NTRK3: variants seen among roughly 807,000 people sequenced by gnomAD.
The protein encoded by NTRK3 is neurotrophic receptor tyrosine kinase 3.
In NTRK3, 24 loss-of-function variants were observed where a neutral mutation model predicts 91.7. The observed-to-expected ratio is 0.26, with a 90% CI of 0.19 to 0.37. NTRK3 has a LOEUF of 0.37. Ranked by LOEUF, NTRK3 falls within the 10% of genes least tolerant of loss-of-function variation. The pLI is 1.00. For missense variants in NTRK3, 880 were observed against 1,068.9 expected (o/e 0.82, Z 2.46); for synonymous variants, 483 against 404.0 (o/e 1.20, Z -2.34).
In NTRK3 at chr15:87,860,181, T is replaced by A. The variant is rs2141366246; in HGVS notation, c.*16754A>T. On this transcript the variant is annotated 3_prime_UTR_variant, in exon 19 of 19. Coordinates refer to ENST00000394480, the Ensembl canonical transcript of NTRK3. The stretch of plus-strand genomic sequence containing the variant: ...ACCCATAGATTCCGATGAAGACACA[T>A]GTTTGCCTTGGGATGGAAGCATGAG... 1.3e-5 allele frequency: 3 copies of A among 223,086 alleles called. No individual in the cohort carries two copies. The Middle Eastern group carries it at 4.1e-3, about 307-fold the overall frequency. 13.8% of individuals were successfully genotyped at this position (223,086 alleles called of 1,614,324 possible).
At chr15:87,914,458 C>T (rs148264647) in intron 17 of NTRK3, among the ~76,000 whole-genome samples, 1 of 152,098 alleles carries the variant, frequency 6.6e-6, no homozygotes, top group African/African-American at 2.4e-5. Context: ...TGAGTGGGAA[C>T]CAATGAGGAT....
At chr15:88,169,200 C>T (rs1484293827) in intron 5 of NTRK3, among the ~76,000 whole-genome samples, 1 of 152,194 alleles carries the variant, frequency 6.6e-6, no homozygotes, top group Admixed American at 6.5e-5. Context: ...CTCACACTCA[C>T]CCAGCAGACT....
chr15:88,071,134 C>A (rs2047057680), intron 13 of NTRK3, among the ~76,000 whole-genome samples: 1 of 152,206 alleles, frequency 6.6e-6, no homozygotes, highest in South Asian at 2.1e-4. Context: ...GGCAGTCATG[C>A]AGGAGGCAGC....
At chr15:87,972,544 T>G (rs1456057468) in intron 14 of NTRK3, among the ~76,000 whole-genome samples, 1 of 152,192 alleles carries the variant, frequency 6.6e-6, no homozygotes, top group African/African-American at 2.4e-5. Context: ...GGGTTTTGGC[T>G]CTCAGAAAAG....
intron 13 of NTRK3, among the ~76,000 whole-genome samples, chr15:88,065,161 G>A (rs765115071): frequency 6.6e-6 from 1 of 152,194 alleles, no homozygotes; most frequent in East Asian, 1.9e-4. Context: ...AGAGGGTAGA[G>A]GTCACCTTAG....
intron 14 of NTRK3, chr15:87,978,890 C>T: frequency 1.1e-5 from 3 of 278,248 alleles, no homozygotes; most frequent in Non-Finnish European, 2.1e-5. Flanking sequence ...GACGAGGTCA[C>T]TAAGAGGACA....
intron 15 of NTRK3, among the ~76,000 whole-genome samples, 187 bp downstream of exon 15, chr15:87,940,436 G>T (rs1296051472): frequency 1.3e-5 from 2 of 152,144 alleles, no homozygotes. Context: ...TGCAGCCCTT[G>T]ACCTTGGAAG....
intron 17 of NTRK3, among the ~76,000 whole-genome samples, chr15:87,896,517 T>G (rs1329580923): frequency 6.6e-6 from 1 of 151,380 alleles, no homozygotes; most frequent in Non-Finnish European, 1.5e-5. Flanking sequence ...AATATATACA[T>G]GTATATATAT....
intron 17 of NTRK3, among the ~76,000 whole-genome samples, chr15:87,909,954 G>GC (rs567542251): frequency 2.6e-5 from 4 of 152,290 alleles, no homozygotes; most frequent in African/African-American, 9.6e-5. Context: ...TGTTGTTGAA[G>GC]CCCCCAGTCT....
intron 3 of NTRK3, among the ~76,000 whole-genome samples, chr15:88,208,422 T>C (rs1252579826): frequency 6.6e-6 from 1 of 152,092 alleles, no homozygotes. Context: ...CAATTTGACA[T>C]TTGCATGATG....
At chr15:87,958,334 G>A (rs934630688) in intron 14 of NTRK3, among the ~76,000 whole-genome samples, 4 of 152,112 alleles carry the variant, frequency 2.6e-5, no homozygotes, top group African/African-American at 4.8e-5. Context: ...TCCTTAGGAC[G>A]GAATGTCTAT....
chr15:88,165,988 C>A (rs2044902240), intron 5 of NTRK3, among the ~76,000 whole-genome samples: 1 of 152,176 alleles, frequency 6.6e-6, no homozygotes, highest in South Asian at 2.1e-4. Context: ...TCCTAGGGGA[C>A]AAACCCACCC....
At chr15:88,116,002 A>G (rs757043458) in intron 13 of NTRK3, among the ~76,000 whole-genome samples, 1 of 152,146 alleles carries the variant, frequency 6.6e-6, no homozygotes, top group Non-Finnish European at 1.5e-5. Context: ...CTAAGGAAAG[A>G]GAGGAATGAC....
intron 10 of NTRK3, among the ~76,000 whole-genome samples, chr15:88,133,524 A>G (rs1346878543): frequency 6.6e-6 from 1 of 152,104 alleles, no homozygotes; most frequent in Non-Finnish European, 1.5e-5. Flanking sequence ...ACCAATCAAG[A>G]CTTTCCCTCA....
At chr15:87,924,317 G>T (rs1178563214) in intron 17 of NTRK3, among the ~76,000 whole-genome samples, 1 of 152,042 alleles carries the variant, frequency 6.6e-6, no homozygotes, top group Non-Finnish European at 1.5e-5. Context: ...TTCCAGTAAG[G>T]TTGGCTTGTT....
intron 17 of NTRK3, among the ~76,000 whole-genome samples, chr15:87,901,456 G>C (rs1422444725): frequency 6.6e-6 from 1 of 152,188 alleles, no homozygotes; most frequent in Non-Finnish European, 1.5e-5. Flanking sequence ...GCTGAGTGCT[G>C]GGGTAGGTAA....
intron 14 of NTRK3, among the ~76,000 whole-genome samples, chr15:88,019,064 T>C (rs1245015325): frequency 6.6e-6 from 1 of 151,998 alleles, no homozygotes; most frequent in Non-Finnish European, 1.5e-5. Context: ...CAAGCAGAAA[T>C]GTTTCATCAC....
chr15:88,007,882 C>G (rs1163533779), intron 14 of NTRK3, among the ~76,000 whole-genome samples: 1 of 152,126 alleles, frequency 6.6e-6, no homozygotes, highest in Non-Finnish European at 1.5e-5. Context: ...GTGCCTTATA[C>G]CCTATGATGC....
At chr15:88,076,589 A>T (rs1274685985) in intron 13 of NTRK3, among the ~76,000 whole-genome samples, 1 of 151,540 alleles carries the variant, frequency 6.6e-6, no homozygotes, top group Non-Finnish European at 1.5e-5. Flanking sequence ...CAGACAGGGG[A>T]TACAAGAAGA....
Sources: allele counts gnomAD v4.1 joint callset (sites outside exome capture counted in the v4.1 genomes callset), GRCh38; gene constraint gnomAD v4.1.1; transcripts MANE v1.5; gene names NCBI Gene and HGNC (gene_info 2026-07-23, HGNC 2026-07-21).